GRB10: variants seen among roughly 807,000 people sequenced by gnomAD.
GRB10 encodes the protein growth factor receptor-bound protein 10.
In GRB10, 20 loss-of-function variants were observed where a neutral mutation model predicts 80.9. That is an observed-to-expected ratio of 0.25 (90% CI 0.17 to 0.36). GRB10 has a LOEUF of 0.36. Among genes scored for constraint, GRB10 ranks in the 10% least tolerant of loss-of-function variants. The pLI is 1.00. For missense variants in GRB10, 548 were observed against 747.7 expected (o/e 0.73, Z 3.12); for synonymous variants, 291 against 291.5 (o/e 1.00, Z 0.02).
chr7:50,682,563 C>A (rs371256562), intron 5 of GRB10, among the ~76,000 whole-genome samples: 1 of 152,096 alleles, frequency 6.6e-6, no homozygotes, highest in East Asian at 1.9e-4. Context: ...ATCTTTCAGG[C>A]CTTTAGTATT....
At chr7:50,781,621 C>T (rs2153713711) in intron 1 of GRB10, 1 of 152,408 alleles carries the variant, frequency 6.6e-6, no homozygotes, top group South Asian at 2.1e-4. Context: ...CGCCCATAGC[C>T]ACCTGTGTGC....
intron 5 of GRB10, among the ~76,000 whole-genome samples, chr7:50,696,150 T>C (rs1484395295): frequency 6.6e-6 from 1 of 152,220 alleles, no homozygotes; most frequent in Non-Finnish European, 1.5e-5. Context: ...ATTGATTGAA[T>C]TGAAATGGAT....
chr7:50,608,162 C>G (rs575514132), intron 13 of GRB10, among the ~76,000 whole-genome samples: 3 of 152,070 alleles, frequency 2.0e-5, no homozygotes, highest in African/African-American at 7.2e-5. Context: ...AAGCCCGCTC[C>G]GAGCATATAT....
In GRB10 at chr7:50,606,272, C is replaced by G; in HGVS notation, c.1272+65G>C. 7.0e-6 allele frequency: 9 copies of G among 1,277,214 alleles called. No individual in the cohort carries two copies. In the South Asian group the frequency reaches 1.1e-4, roughly 15 times the overall value. The allele number at this position is 1,277,214 out of a possible 1,614,324, so 79.1% of individuals were successfully genotyped here. A position where few individuals can be genotyped will look rare whatever the true frequency, so the allele number is the denominator to read the frequency against. On this transcript the variant is annotated intron_variant, in intron 14 of 18. Transcript: ENST00000401949. ...GCCCACCCTGTGTGAAATGAGGCGT[C>G]CTTAACACATGTGATGCAGAAGCTG...
rs150359727 is a variant in GRB10, at chr7:50,698,838, C to T, written c.139+4983G>A. Reference sequence around the variant, plus strand: ...ATTTTTCAAGTCACATGTGACAAAACTGTTAAGAATTTGGCTGCAACTGTA... The same window carrying T: ...ATTTTTCAAGTCACATGTGACAAAATTGTTAAGAATTTGGCTGCAACTGTA... On this transcript the variant is annotated intron_variant, in intron 5 of 18. Coordinates refer to ENST00000401949, the MANE Select transcript of GRB10 (RefSeq NM_001350814.2). Among the ~76,000 whole-genome samples the T allele has an allele frequency of 2.1e-4, 32 of 152,332 alleles. No individual in the cohort carries two copies. In the East Asian group the frequency reaches 4.8e-3, roughly 23 times the overall value.
rs892213173 is a variant in GRB10 at position 50,606,387 on chromosome 7, G to A, written c.1222C>T (p.Arg408Ter). Residue 408 changes from arginine (R) to a stop codon, truncating the protein, a stop_gained, in exon 14 of 19, where the codon CGA becomes TGA. Coordinates refer to ENST00000401949, the MANE Select transcript of GRB10 (RefSeq NM_001350814.2). LOFTEE classifies it high-confidence loss of function. ...KYGMLLYQNY[R>*]IPQQRKALLS... ...AAGGCCTTCCTCTGCTGAGGGATTCGGTAATTCTGGTAAAGGAGCATTCCA... is the reference window on the plus strand; with the variant it reads ...AAGGCCTTCCTCTGCTGAGGGATTCAGTAATTCTGGTAAAGGAGCATTCCA... The A allele has an allele frequency of 6.2e-7, 1 of 1,614,034 alleles. No homozygotes were observed. The highest frequency in any genetic ancestry group is 8.5e-7 in the Non-Finnish European group (1 of 1,179,920).
chr7:50,604,867 T>G, intron 15 of GRB10: 1 of 287,840 alleles, frequency 3.5e-6, no homozygotes. Context: ...CACCTGGAGA[T>G]TAAGAACCTA....
Position 50,592,830 on chromosome 7 carries a change from C to T in GRB10, c.*122G>A, listed in dbSNP as rs1343958337. 6 of 1,159,862 alleles carry T rather than the reference C, an allele frequency of 5.2e-6. No homozygotes were observed. Among genetic ancestry groups the T allele is most frequent in the Non-Finnish European group, 7.7e-6 (6 of 777,334 alleles). 71.8% of individuals were successfully genotyped at this position (1,159,862 alleles called of 1,614,324 possible). On this transcript the variant is annotated 3_prime_UTR_variant, in exon 19 of 19. Coordinates refer to ENST00000401949, the MANE Select transcript of GRB10 (RefSeq NM_001350814.2). Reference sequence around the variant, plus strand: ...TCAATCTTGGTCGGCTGGCACCGAACAAACCCATCTCGCTCTGGGTCCCCA... The same window carrying T: ...TCAATCTTGGTCGGCTGGCACCGAATAAACCCATCTCGCTCTGGGTCCCCA...
rs1222096908 is a variant in GRB10 at position 50,590,837 on chromosome 7, T to C, written c.*2115A>G. ...AAAAGACTACGTCAAACCAGCTACA[T>C]ACAAAACTGTGAATCAGAGTCAAGC... On this transcript the variant is annotated 3_prime_UTR_variant, in exon 19 of 19. Coordinates refer to ENST00000401949, the MANE Select transcript of GRB10 (RefSeq NM_001350814.2). 2 of 152,220 alleles carry C rather than the reference T, an allele frequency of 1.3e-5. No homozygotes were observed. Among genetic ancestry groups the C allele is most frequent in the African/African-American group, 2.4e-5 (1 of 41,434 alleles). The allele number at this position is 152,220 out of a possible 1,614,324, so 9.4% of individuals were successfully genotyped here. A position where few individuals can be genotyped will look rare whatever the true frequency, so the allele number is the denominator to read the frequency against.
chr7:50,745,282 G>T (rs1329903404), intron 3 of GRB10, among the ~76,000 whole-genome samples: 1 of 152,036 alleles, frequency 6.6e-6, no homozygotes, highest in Non-Finnish European at 1.5e-5. Context: ...AGAACTTATT[G>T]TTCTCTGATA....
At chr7:50,638,253 C>T (rs1425152822) in intron 7 of GRB10, among the ~76,000 whole-genome samples, 1 of 152,080 alleles carries the variant, frequency 6.6e-6, no homozygotes, top group Non-Finnish European at 1.5e-5. Flanking sequence ...AGCAATGCAA[C>T]AAGAATAAAA....
chr7:50,756,515 C>G (rs2075110199), intron 2 of GRB10, among the ~76,000 whole-genome samples: 1 of 152,266 alleles, frequency 6.6e-6, no homozygotes, highest in Non-Finnish European at 1.5e-5. Flanking sequence ...CTGTTCTCAG[C>G]AGAGATTCCG....
chr7:50,653,834 G>A (rs930638839), intron 7 of GRB10, among the ~76,000 whole-genome samples: 1 of 152,176 alleles, frequency 6.6e-6, no homozygotes, highest in Non-Finnish European at 1.5e-5. Context: ...GATCAAAAAG[G>A]GACCTCTGAA....
chr7:50,626,627 A>G (rs1313790432), intron 8 of GRB10, among the ~76,000 whole-genome samples, 195 bp downstream of exon 8: 1 of 152,242 alleles, frequency 6.6e-6, no homozygotes, highest in Non-Finnish European at 1.5e-5. Flanking sequence ...AGATTCCCAA[A>G]GTACTAGGGG....
At chr7:50,750,430 C>T (rs541226582) in intron 3 of GRB10, among the ~76,000 whole-genome samples, 48 of 152,276 alleles carry the variant, frequency 3.2e-4, no homozygotes, top group African/African-American at 1.1e-3. Flanking sequence ...TGTCTTCCAC[C>T]TAAGCAGGTG....
intron 16 of GRB10, 39 bp from the exon 17 acceptor site, chr7:50,604,124 C>T (rs761677641): frequency 1.3e-6 from 2 of 1,541,422 alleles, no homozygotes; most frequent in Non-Finnish European, 9.0e-7. Flanking sequence ...GATGGTGGTG[C>T]CTCTGCAGAA....
rs1480576857 is a variant in GRB10 at position 50,629,328 on chromosome 7, T to A, written c.505-2350A>T. Among the ~76,000 whole-genome samples, 3 of 152,024 alleles carry A rather than the reference T, an allele frequency of 2.0e-5. No individual in the cohort carries two copies. The East Asian group carries it at 5.8e-4, about 29-fold the overall frequency. On this transcript the variant is annotated intron_variant, in intron 7 of 18. Coordinates refer to ENST00000401949, the MANE Select transcript of GRB10 (RefSeq NM_001350814.2). ...CCCAACCCCTGTTGTTCCACAGCCA[T>A]CCCCCCAAAGGTCTATAAATAGCCC... is the stretch of plus-strand genomic sequence containing the variant.
At chr7:50,677,692 G>A (rs1343851817) in intron 5 of GRB10, among the ~76,000 whole-genome samples, 3 of 152,176 alleles carry the variant, frequency 2.0e-5, no homozygotes, top group African/African-American at 7.2e-5. Flanking sequence ...ATTAGCACGA[G>A]CGCCACTCTT....
At position 50,606,346 on chromosome 7, in the gene GRB10, C is replaced by T. The variant is rs61734187; in HGVS notation, c.1263G>A (p.Ser421=). ...TCCTGGCTTTACTTACCACTGGCGT[C>T]GAGAACGGGGACAGCAAGGCCTTCC... ...QQRKALLSPF[S]TPVRSVSENS... is the part of the protein sequence containing the mutation. The change falls in exon 14 of 19, where the codon TCG becomes TCA. Residue 421 remains serine (S), a synonymous_variant. Transcript: ENST00000401949. 1.3e-3 allele frequency: 2,143 copies of T among 1,613,726 alleles called. 23 individuals carry two copies. The African/African-American group carries it at 0.02, about 15-fold the overall frequency.
Sources: allele counts gnomAD v4.1 joint callset (sites outside exome capture counted in the v4.1 genomes callset), GRCh38; gene constraint gnomAD v4.1.1; transcripts MANE v1.5; gene names NCBI Gene and HGNC (gene_info 2026-07-23, HGNC 2026-07-21).